The following YEATS2 variants were observed in gnomAD, a reference collection of about 807,000 sequenced individuals.
YEATS2 encodes YEATS domain containing 2.
YEATS2 carries 77 observed loss-of-function variants against 163.2 expected under a neutral mutation model. That is an observed-to-expected ratio of 0.47 (90% confidence interval 0.39 to 0.57). The LOEUF (loss-of-function observed/expected upper bound fraction) is 0.57, where lower values mean the gene tolerates loss of function less well. Ranked by LOEUF, YEATS2 falls within the 20% of genes least tolerant of loss-of-function variation. The probability of loss-of-function intolerance (pLI) is 0.00; values close to 1 mark genes in which losing one functional copy is unlikely to be tolerated. For missense variants in YEATS2, 1,549 were observed against 1,729.8 expected (o/e 0.90, Z 1.85); for synonymous variants, 631 against 645.1 (o/e 0.98, Z 0.33).
At position 183,764,493 on chromosome 3, in the gene YEATS2, CAGAT is replaced by C. The variant is rs574860466; in HGVS notation, c.1947+2218_1947+2221del. On this transcript the variant is annotated intron_variant, in intron 15 of 30. Coordinates refer to ENST00000305135, the MANE Select transcript of YEATS2 (RefSeq NM_018023.5). ...CAAAATCGAAAAAGATTTTAGCTAT[CAGAT>C]AGAGATTAGGATCAACTTAAAAATT... Among the ~76,000 whole-genome samples the C allele has an allele frequency of 3.8e-3, 580 of 151,204 alleles. 5 individuals are homozygous for C. The highest frequency in any genetic ancestry group is 0.012 in the African/African-American group (509 of 41,212).
intron 8 of YEATS2, among the ~76,000 whole-genome samples, chr3:183,743,226 A>T (rs1204090579): frequency 1.3e-5 from 2 of 152,220 alleles, no homozygotes; most frequent in Non-Finnish European, 2.9e-5. Context: ...AAAATAAAAC[A>T]AAAGAAATAT....
chr3:183,705,778 G>A (rs966789500), intron 1 of YEATS2, among the ~76,000 whole-genome samples: 1 of 152,124 alleles, frequency 6.6e-6, no homozygotes, highest in Non-Finnish European at 1.5e-5. Flanking sequence ...AGTGGCTCAC[G>A]CCTCTAATCC....
chr3:183,762,258 A>G lies in YEATS2; in HGVS notation c.1926A>G (p.Ser642=). 1 of 1,605,014 alleles carries G rather than the reference A, an allele frequency of 6.2e-7. No individual in the cohort carries two copies. The highest frequency in any genetic ancestry group is 8.5e-7 in the Non-Finnish European group (1 of 1,173,244). ...VITPGEGIAQ[S]AKVQPSKVVG... ...CTCCTGGAGAAGGGATTGCCCAGTC[A>G]GCAAAGGTTCAGCCCTCCAAGGTTT... is the stretch of plus-strand genomic sequence containing the variant. Residue 642 remains serine, a synonymous_variant, in exon 15 of 31, where the codon TCA becomes TCG. Coordinates refer to ENST00000305135, the MANE Select transcript of YEATS2 (RefSeq NM_018023.5).
intron 1 of YEATS2, among the ~76,000 whole-genome samples, chr3:183,699,395 G>A (rs1304940421): frequency 1.3e-5 from 2 of 151,864 alleles, no homozygotes; most frequent in African/African-American, 4.8e-5. Flanking sequence ...AACTCAAGGA[G>A]GAGAGAGGCT....
intron 13 of YEATS2, among the ~76,000 whole-genome samples, chr3:183,761,245 A>G (rs902627679): frequency 6.6e-6 from 1 of 151,258 alleles, no homozygotes; most frequent in African/African-American, 2.4e-5. Context: ...CCGCCACCAC[A>G]CCCGGCTAAT....
Position 183,793,358 on chromosome 3 carries a change from C to A in YEATS2, c.3097+2378C>A, listed in dbSNP as rs114506285. ...GCTGATTATATTTTTCTCTTGATTTCTACCTCCCTGTTAAAATTGACCAAC... is the reference window on the plus strand; with the variant it reads ...GCTGATTATATTTTTCTCTTGATTTATACCTCCCTGTTAAAATTGACCAAC... On this transcript the variant is annotated intron_variant, in intron 21 of 30. Transcript: ENST00000305135. 3.2e-3 allele frequency: 3,513 copies of A among 1,094,370 alleles called. 86 individuals are homozygous for A. In the African/African-American group the frequency reaches 0.053, roughly 16 times the overall value. 67.8% of individuals were successfully genotyped at this position (1,094,370 alleles called of 1,614,324 possible). A position where few individuals can be genotyped will look rare whatever the true frequency, so the allele number is the denominator to read the frequency against.
chr3:183,809,299 G>GAA (rs1208121129), intron 30 of YEATS2, 129 bp downstream of exon 30: 4 of 868,986 alleles, frequency 4.6e-6, no homozygotes, highest in Non-Finnish European at 7.5e-6. Context: ...GACACTCTTA[G>GAA]AGCCAGATGA....
intron 19 of YEATS2, among the ~76,000 whole-genome samples, chr3:183,780,527 C>A (rs1723468691): frequency 6.6e-6 from 1 of 152,194 alleles, no homozygotes; most frequent in South Asian, 2.1e-4. Flanking sequence ...TGAACACAAC[C>A]AGTAGAATGC....
intron 1 of YEATS2, among the ~76,000 whole-genome samples, chr3:183,703,476 T>C (rs1577022752): frequency 6.6e-6 from 1 of 152,088 alleles, no homozygotes; most frequent in African/African-American, 2.4e-5. Context: ...GTAGTTGTGG[T>C]TTTTACTTTT....
At chr3:183,737,000 C>T (rs554996841) in intron 8 of YEATS2, among the ~76,000 whole-genome samples, 171 bp downstream of exon 8, 5 of 152,086 alleles carry the variant, frequency 3.3e-5, no homozygotes, top group Admixed American at 1.3e-4. Flanking sequence ...GCAAGCCTTA[C>T]GAATAATGTA....
chr3:183,766,559 A>G (rs903419203), intron 15 of YEATS2, among the ~76,000 whole-genome samples: 8 of 152,350 alleles, frequency 5.3e-5, no homozygotes, highest in African/African-American at 1.9e-4. Context: ...CAAATACAAA[A>G]CAATGGGTGT....
chr3:183,736,238 A>G (rs1315776431), intron 7 of YEATS2, among the ~76,000 whole-genome samples: 5 of 152,196 alleles, frequency 3.3e-5, no homozygotes, highest in African/African-American at 9.7e-5. Context: ...TTGTGAACAT[A>G]TGATCTTTCT....
Position 183,724,469 on chromosome 3 carries a change from T to C in YEATS2, c.588T>C (p.Asp196=), listed in dbSNP as rs777601525. The C allele has an allele frequency of 1.2e-6, 2 of 1,614,056 alleles. No individual in the cohort carries two copies. The highest frequency in any genetic ancestry group is 1.7e-6 in the Non-Finnish European group (2 of 1,179,956). ...ATAAAACAGAACAGCGGAATGCTGATCTCACAGATGAGACTTCACGACTTT... is the reference window on the plus strand; with the variant it reads ...ATAAAACAGAACAGCGGAATGCTGACCTCACAGATGAGACTTCACGACTTT... The part of the protein sequence containing the change: ...GSHKTEQRNA[D]LTDETSRLFV... The change falls in exon 6 of 31, where the codon GAT becomes GAC. Residue 196 remains aspartate, a synonymous_variant. Coordinates refer to ENST00000305135, the MANE Select transcript of YEATS2 (RefSeq NM_018023.5).
rs545417197 is a variant in YEATS2 at position 183,742,662 on chromosome 3, A to G, written c.925-5010A>G. ...GTGAACACTGTTGAAATTGACAACA[A>G]AGGATTTAGAATATTACATAAACTT... is the stretch of plus-strand genomic sequence containing the variant. On this transcript the variant is annotated intron_variant, in intron 8 of 30. Transcript: ENST00000305135. Among the ~76,000 whole-genome samples, 10 of 152,298 alleles carry G rather than the reference A, an allele frequency of 6.6e-5. No homozygotes were observed. The South Asian group carries it at 2.1e-3, about 32-fold the overall frequency.
At position 183,804,085 on chromosome 3, in the gene YEATS2, TCAC is replaced by T. The variant is rs1725946313; in HGVS notation, c.3682_3684del (p.His1228del). ...CTCCCCTCAAAACCAAGCACATCGC[TCAC>T]TGGTGCCGCTGTCATGGCTACACCC... On this transcript the variant is annotated inframe_deletion, in exon 27 of 31. Transcript: ENST00000305135. 6.2e-7 allele frequency: 1 copy of T among 1,613,914 alleles called. No homozygotes were observed. The highest frequency in any genetic ancestry group is 8.5e-7 in the Non-Finnish European group (1 of 1,180,008).
chr3:183,804,163 G>A lies in YEATS2; in HGVS notation c.3759G>A (p.Val1253=), dbSNP rs369420700. Residue 1253 remains valine, a synonymous_variant, in exon 27 of 31, where the codon GTG becomes GTA. Coordinates refer to ENST00000305135, the MANE Select transcript of YEATS2 (RefSeq NM_018023.5). Reference sequence around the variant, plus strand: ...ATGACGGGGACTCCATCGAGGACGTGCTGACCCAGATCGACAGCGAGCCCG... The same window carrying A: ...ATGACGGGGACTCCATCGAGGACGTACTGACCCAGATCGACAGCGAGCCCG... ...LRNDGDSIED[V]LTQIDSEPEC... 6.2e-7 allele frequency: 1 copy of A among 1,614,088 alleles called. No individual in the cohort carries two copies. The highest frequency in any genetic ancestry group is 8.5e-7 in the Non-Finnish European group (1 of 1,180,054).
intron 9 of YEATS2, 85 bp downstream of exon 9, chr3:183,747,801 C>T (rs959738859): frequency 4.3e-5 from 57 of 1,317,452 alleles, no homozygotes; most frequent in East Asian, 1.8e-4. Context: ...TGTTTTGAGA[C>T]GGGGTCTTCG....
At chr3:183,734,700 C>G (rs1301600480) in intron 7 of YEATS2, among the ~76,000 whole-genome samples, 1 of 152,160 alleles carries the variant, frequency 6.6e-6, no homozygotes, top group Non-Finnish European at 1.5e-5. Context: ...AACACAGGGT[C>G]TCATGCAGTG....
chr3:183,765,149 C>G (rs1386784201), intron 15 of YEATS2, among the ~76,000 whole-genome samples: 1 of 152,162 alleles, frequency 6.6e-6, no homozygotes, highest in African/African-American at 2.4e-5. Context: ...GGTAAGAATT[C>G]TGCCAAAATC....
Sources: allele counts gnomAD v4.1 joint callset (sites outside exome capture counted in the v4.1 genomes callset), GRCh38; gene constraint gnomAD v4.1.1; transcripts MANE v1.5; gene names NCBI Gene and HGNC (gene_info 2026-07-23, HGNC 2026-07-21).